Variants in DLG2 observed in about 807,000 individuals in gnomAD.
DLG2 encodes the protein disks large homolog 2.
DLG2 carries 45 observed loss-of-function variants against 132.5 expected under a neutral mutation model. The observed-to-expected ratio is 0.34, with a 90% CI of 0.27 to 0.44. The LOEUF (loss-of-function observed/expected upper bound fraction) is 0.44, where lower values mean the gene tolerates loss of function less well. DLG2 is among the 20% of genes least tolerant of loss of function. The pLI is 1.00. For synonymous variants in DLG2, 424 were observed against 419.6 expected, an observed-to-expected ratio of 1.01 and a Z score of -0.13; for missense variants, 1,045 against 1,196.9, an observed-to-expected ratio of 0.87 and a Z score of 1.87.
At chr11:85,045,123 C>T (rs1049775747) in intron 6 of DLG2, among the ~76,000 whole-genome samples, 1 of 152,004 alleles carries the variant, frequency 6.6e-6, no homozygotes, top group African/African-American at 2.4e-5. Context: ...CCAAATGGAG[C>T]AGCTGGTCTC....
chr11:84,647,033 T>C (rs2099675818), intron 6 of DLG2, among the ~76,000 whole-genome samples: 6 of 152,020 alleles, frequency 3.9e-5, no homozygotes, highest in Admixed American at 3.9e-4. Flanking sequence ...TAATACAAAT[T>C]TATAAATGCT....
chr11:84,614,267 G>T (rs528598336), intron 6 of DLG2, among the ~76,000 whole-genome samples: 1 of 152,282 alleles, frequency 6.6e-6, no homozygotes, highest in African/African-American at 2.4e-5. Context: ...GGGAAAATGA[G>T]TATCTTTAGG....
intron 7 of DLG2, among the ~76,000 whole-genome samples, chr11:84,344,195 T>G (rs964967927): frequency 3.3e-5 from 5 of 152,306 alleles, no homozygotes; most frequent in Middle Eastern, 3.4e-3. Flanking sequence ...GGAGGTAAAG[T>G]GACCGAGCCA....
chr11:85,272,944 A>T (rs536319777), intron 4 of DLG2, among the ~76,000 whole-genome samples: 1 of 152,310 alleles, frequency 6.6e-6, no homozygotes, highest in African/African-American at 2.4e-5. Flanking sequence ...CTCAGAAATA[A>T]CACTACACAT....
At chr11:84,565,281 T>A (rs1592485881) in intron 6 of DLG2, among the ~76,000 whole-genome samples, 1 of 152,246 alleles carries the variant, frequency 6.6e-6, no homozygotes, top group South Asian at 2.1e-4. Context: ...AAGCATGGGA[T>A]GTCAAAAGTA....
At chr11:84,719,605 G>A (rs975206578) in intron 6 of DLG2, among the ~76,000 whole-genome samples, 2 of 152,178 alleles carry the variant, frequency 1.3e-5, no homozygotes, top group African/African-American at 4.8e-5. Context: ...AAGGAGCAAT[G>A]AATGATAACC....
intron 9 of DLG2, among the ~76,000 whole-genome samples, chr11:84,125,406 T>G (rs1248667993): frequency 6.6e-6 from 1 of 152,186 alleles, no homozygotes; most frequent in Non-Finnish European, 1.5e-5. Context: ...TGAGAATCAG[T>G]GGGCCTTCTG....
chr11:85,332,754 C>G (rs943825082), intron 3 of DLG2, among the ~76,000 whole-genome samples: 2 of 152,098 alleles, frequency 1.3e-5, no homozygotes, highest in Non-Finnish European at 2.9e-5. Flanking sequence ...TCTCAAAGAT[C>G]AGATGACTGT....
chr11:84,706,583 C>A (rs926045710), intron 6 of DLG2, among the ~76,000 whole-genome samples: 4 of 151,812 alleles, frequency 2.6e-5, no homozygotes, highest in Admixed American at 6.6e-5. Flanking sequence ...AACATTAACA[C>A]GCTGGTACTG....
chr11:85,131,258 T>C (rs555808970), intron 5 of DLG2, among the ~76,000 whole-genome samples: 2 of 152,300 alleles, frequency 1.3e-5, no homozygotes, highest in African/African-American at 4.8e-5. Flanking sequence ...TATAATATAG[T>C]AGACTTCTAG....
intron 4 of DLG2, among the ~76,000 whole-genome samples, chr11:85,220,288 TC>T (rs1238861280): frequency 6.6e-6 from 1 of 151,882 alleles, no homozygotes; most frequent in African/African-American, 2.4e-5. Flanking sequence ...TAAAGAAGGC[TC>T]CACCAAGAAG....
At chr11:83,724,368 C>A (rs1017460431) in intron 18 of DLG2, among the ~76,000 whole-genome samples, 1 of 152,038 alleles carries the variant, frequency 6.6e-6, no homozygotes, top group Non-Finnish European at 1.5e-5. Flanking sequence ...CATTAAATGT[C>A]TGATCTGAAA....
intron 6 of DLG2, among the ~76,000 whole-genome samples, chr11:84,824,098 G>A (rs943288086): frequency 6.6e-6 from 1 of 151,840 alleles, no homozygotes; most frequent in Non-Finnish European, 1.5e-5. Context: ...AACTCTTGTT[G>A]TATGTCCCTC....
chr11:83,842,064 A>G (rs1249353280), intron 16 of DLG2, among the ~76,000 whole-genome samples: 4 of 152,162 alleles, frequency 2.6e-5, no homozygotes, highest in Non-Finnish European at 5.9e-5. Context: ...TGCAGTTTTT[A>G]TTTTTCTCTT....
chr11:84,395,314 A>G (rs1460949394), intron 7 of DLG2, among the ~76,000 whole-genome samples: 1 of 152,162 alleles, frequency 6.6e-6, no homozygotes, highest in African/African-American at 2.4e-5. Context: ...GGTTGATTTC[A>G]AAGCTTAAAT....
At chr11:85,505,587 T>C (rs2093911815) in intron 3 of DLG2, among the ~76,000 whole-genome samples, 1 of 152,200 alleles carries the variant, frequency 6.6e-6, no homozygotes, top group Non-Finnish European at 1.5e-5. Flanking sequence ...TGGTGGTGGA[T>C]AAGATTTCTG....
intron 7 of DLG2, among the ~76,000 whole-genome samples, chr11:84,305,066 A>G (rs781613203): frequency 3.9e-5 from 6 of 152,222 alleles, no homozygotes; most frequent in Non-Finnish European, 5.9e-5. Context: ...AGTAGTTTAT[A>G]TTAAAATAGT....
chr11:85,053,618 C>G (rs1222220859), intron 6 of DLG2, among the ~76,000 whole-genome samples: 1 of 128,602 alleles, frequency 7.8e-6, no homozygotes, highest in Non-Finnish European at 1.6e-5. Context: ...GAAACCCCAT[C>G]TCTACTAAAA....
At chr11:83,981,468 G>C (rs2092772659) in intron 11 of DLG2, among the ~76,000 whole-genome samples, 1 of 151,980 alleles carries the variant, frequency 6.6e-6, no homozygotes, top group Non-Finnish European at 1.5e-5. Context: ...TTTTGAGATA[G>C]TCTCGCTCTG....
Sources: gnomAD v4.1 joint callset for allele counts (sites outside exome capture counted in the v4.1 genomes callset) on GRCh38, gnomAD v4.1.1 for gene constraint, MANE v1.5 for transcripts, NCBI Gene and HGNC (gene_info 2026-07-23, HGNC 2026-07-21) for gene names.